PHYHIPL: variants seen among roughly 807,000 people sequenced by gnomAD.
PHYHIPL encodes the protein phytanoyl-CoA hydroxylase-interacting protein-like.
PHYHIPL carries 9 observed loss-of-function variants against 33.4 expected under a neutral mutation model. That is an observed-to-expected ratio of 0.27 (90% CI 0.16 to 0.47). The LOEUF (loss-of-function observed/expected upper bound fraction) is 0.47. Among genes scored for constraint, PHYHIPL ranks in the 20% least tolerant of loss-of-function variants. PHYHIPL has a pLI of 0.99. For missense variants in PHYHIPL, 365 were observed against 460.7 expected (o/e 0.79, Z 1.90); for synonymous variants, 153 against 154.1 (o/e 0.99, Z 0.05).
chr10:59,180,233 C>T (rs1342117510), intron 1 of PHYHIPL, among the ~76,000 whole-genome samples: 3 of 139,156 alleles, frequency 2.2e-5, no homozygotes, highest in Non-Finnish European at 4.6e-5. Context: ...ATTACTTGTG[C>T]TTTTCGTCTT....
intron 1 of PHYHIPL, among the ~76,000 whole-genome samples, chr10:59,201,617 T>A (rs1178237670): frequency 6.6e-6 from 1 of 152,124 alleles, no homozygotes; most frequent in Non-Finnish European, 1.5e-5. Context: ...CAATATTTGC[T>A]TTCTCATTTT....
chr10:59,184,764 C>A (rs960231996), intron 1 of PHYHIPL, among the ~76,000 whole-genome samples: 1 of 151,750 alleles, frequency 6.6e-6, no homozygotes. Context: ...CGTCATTTAG[C>A]ATTAGGTATA....
intron 1 of PHYHIPL, among the ~76,000 whole-genome samples, chr10:59,218,730 A>T (rs895991924): frequency 7.8e-6 from 1 of 127,564 alleles, no homozygotes; most frequent in African/African-American, 2.6e-5. Flanking sequence ...AAAAGAATAC[A>T]TAATTATAAA....
At chr10:59,184,797 C>A (rs1411287539) in intron 1 of PHYHIPL, among the ~76,000 whole-genome samples, 1 of 151,326 alleles carries the variant, frequency 6.6e-6, no homozygotes, top group Non-Finnish European at 1.5e-5. Flanking sequence ...ATCCCTCCCC[C>A]CCTCCCCCAA....
intron 1 of PHYHIPL, among the ~76,000 whole-genome samples, chr10:59,196,063 A>C (rs934652379): frequency 1.3e-5 from 2 of 152,122 alleles, no homozygotes; most frequent in African/African-American, 4.8e-5. Context: ...TGTTTTGTAC[A>C]TACAGATAGT....
chr10:59,197,503 T>C (rs541063302), intron 1 of PHYHIPL, among the ~76,000 whole-genome samples: 1 of 152,308 alleles, frequency 6.6e-6, no homozygotes, highest in African/African-American at 2.4e-5. Flanking sequence ...AGCTCTACTT[T>C]TTTTTTCCTA....
chr10:59,241,306 T>C (rs1840387311), intron 4 of PHYHIPL, among the ~76,000 whole-genome samples: 1 of 151,724 alleles, frequency 6.6e-6, no homozygotes, highest in African/African-American at 2.4e-5. Context: ...AAGTTTATAA[T>C]CCATTTTGAA....
In PHYHIPL at chr10:59,176,954, G is replaced by C. The variant is rs746586557; in HGVS notation, c.101G>C (p.Arg34Pro). 41 of 1,612,918 alleles carry C rather than the reference G, an allele frequency of 2.5e-5. No individual in the cohort carries two copies. Among genetic ancestry groups the C allele is most frequent in the African/African-American group, 4.0e-5 (3 of 75,034 alleles). Reference protein sequence around the residue: ...LSLEAIQLCDRDGNKSQDSGI... With the variant: ...LSLEAIQLCDPDGNKSQDSGI... Reference sequence around the variant, plus strand: ...CTGGAGGCCATTCAGCTGTGCGACCGGGACGGTAAGAGCGGCCGGGACCGC... The same window carrying C: ...CTGGAGGCCATTCAGCTGTGCGACCCGGACGGTAAGAGCGGCCGGGACCGC... Residue 34 changes from arginine to proline, a missense_variant, in exon 1 of 5, where the codon CGG becomes CCG. Physicochemically the swap from Arg to Pro is moderately radical, Grantham distance 103. Transcript: ENST00000373880.
At chr10:59,234,550 G>A (rs752602997) in intron 2 of PHYHIPL, 50 bp downstream of exon 2, 3 of 1,295,968 alleles carry the variant, frequency 2.3e-6, no homozygotes, top group Non-Finnish European at 3.1e-6. Context: ...AACTTTCTAA[G>A]TATGAGGACA....
Position 59,247,609 on chromosome 10 carries a change from G to C in PHYHIPL, c.*2018G>C, listed in dbSNP as rs1840827666. ...GGTGAAAGTGATCATAACATTTCCT[G>C]AACCTCAAATAGTTTTGGCCACATC... On this transcript the variant is annotated 3_prime_UTR_variant, in exon 5 of 5. Coordinates refer to ENST00000373880, the MANE Select transcript of PHYHIPL (RefSeq NM_032439.4). 6.2e-7 allele frequency: 1 copy of C among 1,612,970 alleles called. No homozygotes were observed. The highest frequency in any genetic ancestry group is 8.5e-7 in the Non-Finnish European group (1 of 1,179,524).
At chr10:59,200,893 C>T (rs976007651) in intron 1 of PHYHIPL, among the ~76,000 whole-genome samples, 2 of 152,114 alleles carry the variant, frequency 1.3e-5, no homozygotes, top group Non-Finnish European at 1.5e-5. Context: ...TCTGTGGGAT[C>T]GGCAGTGATA....
At chr10:59,223,654 A>G (rs571601189) in intron 1 of PHYHIPL, among the ~76,000 whole-genome samples, 2 of 149,790 alleles carry the variant, frequency 1.3e-5, no homozygotes, top group South Asian at 2.1e-4. Flanking sequence ...TATTAAAAAC[A>G]TAAGTCAGTT....
At chr10:59,175,396 T>A (rs1041737666), upstream of PHYHIPL, among the ~76,000 whole-genome samples, 1 of 152,222 alleles carries the variant, frequency 6.6e-6, no homozygotes, top group Admixed American at 6.5e-5. Flanking sequence ...GACTTCATCA[T>A]GTTATAGCTA....
At chr10:59,214,094 A>T (rs1839541086) in intron 1 of PHYHIPL, among the ~76,000 whole-genome samples, 1 of 152,172 alleles carries the variant, frequency 6.6e-6, no homozygotes. Context: ...GAGAAAAAAA[A>T]TTTAATTGAA....
chr10:59,175,419 T>C (rs1366738382), upstream of PHYHIPL, among the ~76,000 whole-genome samples: 1 of 152,224 alleles, frequency 6.6e-6, no homozygotes, highest in East Asian at 1.9e-4. Context: ...TGGATGTGAC[T>C]AGAAAGAGCA....
chr10:59,189,109 G>C (rs1838707165), intron 1 of PHYHIPL, among the ~76,000 whole-genome samples: 1 of 151,800 alleles, frequency 6.6e-6, no homozygotes, highest in South Asian at 2.1e-4. Flanking sequence ...TTATTCCTTT[G>C]AAACCAAACT....
At chr10:59,183,726 T>C (rs985157834) in intron 1 of PHYHIPL, 1 of 968,548 alleles carries the variant, frequency 1.0e-6, no homozygotes, top group African/African-American at 1.8e-5. Flanking sequence ...TTTTGTTTGT[T>C]ATGTTATGAC....
intron 4 of PHYHIPL, among the ~76,000 whole-genome samples, chr10:59,243,317 G>T (rs1215259845): frequency 6.6e-6 from 1 of 152,048 alleles, no homozygotes; most frequent in Non-Finnish European, 1.5e-5. Flanking sequence ...AATAATAAAA[G>T]GGAATTAAGA....
At chr10:59,196,525 CCT>C (rs1838924228) in intron 1 of PHYHIPL, among the ~76,000 whole-genome samples, 1 of 151,224 alleles carries the variant, frequency 6.6e-6, no homozygotes, top group Non-Finnish European at 1.5e-5. Context: ...ACGCCATTCT[CCT>C]CACACCTCAG....
Sources: gnomAD v4.1 joint callset for allele counts (sites outside exome capture counted in the v4.1 genomes callset) on GRCh38, gnomAD v4.1.1 for gene constraint, MANE v1.5 for transcripts, NCBI Gene and HGNC (gene_info 2026-07-23, HGNC 2026-07-21) for gene names.